CACNA1C: variants seen among roughly 807,000 people sequenced by gnomAD.
CACNA1C encodes voltage-dependent L-type calcium channel subunit alpha-1C.
CACNA1C carries 30 observed loss-of-function variants against 229.0 expected under a neutral mutation model. That is an observed-to-expected ratio of 0.13 (90% confidence interval 0.10 to 0.18). CACNA1C has a LOEUF of 0.18. Ranked by LOEUF, CACNA1C falls within the 10% of genes least tolerant of loss-of-function variation. CACNA1C has a pLI of 1.00. For synonymous variants in CACNA1C, 1,114 were observed against 1,132.5 expected, an observed-to-expected ratio of 0.98 and a Z score of 0.33; for missense variants, 1,658 against 2,845.0, an observed-to-expected ratio of 0.58 and a Z score of 9.49.
Position 2,567,311 on chromosome 12 carries a change from C to T in CACNA1C, c.1670-258C>T, listed in dbSNP as rs532628080. On this transcript the variant is annotated intron_variant, in intron 12 of 46. Transcript: ENST00000399655. ...ACGATGGTGGTACCATCCCCACAGG[C>T]CTGCTATGAGGAGGAGAGATTGTGT... Among the ~76,000 whole-genome samples, 35 of 152,322 alleles carry T rather than the reference C, an allele frequency of 2.3e-4. No homozygotes were observed. In the South Asian group the frequency reaches 5.6e-3, roughly 24 times the overall value.
At chr12:2,422,262 A>C (rs1169134269) in intron 3 of CACNA1C, among the ~76,000 whole-genome samples, 1 of 152,212 alleles carries the variant, frequency 6.6e-6, no homozygotes, top group African/African-American at 2.4e-5. Flanking sequence ...GAGCATTAGC[A>C]GACATACATG....
intron 29 of CACNA1C, among the ~76,000 whole-genome samples, chr12:2,625,313 G>A (rs1217836430): frequency 5.3e-5 from 8 of 152,192 alleles, no homozygotes; most frequent in South Asian, 2.1e-4. Context: ...AAAAAAGCCC[G>A]GTGGGAAAGT....
At chr12:2,127,895 T>C (rs565301472) in intron 3 of CACNA1C, among the ~76,000 whole-genome samples, 1 of 152,362 alleles carries the variant, frequency 6.6e-6, no homozygotes, top group South Asian at 2.1e-4. Context: ...ATTGCCTTTA[T>C]TGAGTGACCA....
intron 5 of CACNA1C, among the ~76,000 whole-genome samples, chr12:2,484,763 C>T (rs1211032489): frequency 2.1e-5 from 3 of 145,602 alleles, no homozygotes; most frequent in East Asian, 2.0e-4. Flanking sequence ...CAACTTTCTT[C>T]GCGGCTCTGC....
Position 2,567,738 on chromosome 12 carries a change from A to G in CACNA1C, c.1839A>G (p.Pro613=). The change falls in exon 13 of 47, where the codon CCA becomes CCG. Residue 613 remains proline, a synonymous_variant. Coordinates refer to ENST00000399655, the MANE Select transcript of CACNA1C (RefSeq NM_000719.7). Reference sequence around the variant, plus strand: ...TGGTGGAGACCAAGATCATGTCCCCACTGGGCATCTCCGTGCTCAGATGCG... The same window carrying G: ...TGGTGGAGACCAAGATCATGTCCCCGCTGGGCATCTCCGTGCTCAGATGCG... ...TILVETKIMS[P]LGISVLRCVR... is the part of the protein sequence containing the mutation. The G allele has an allele frequency of 6.2e-7, 1 of 1,613,512 alleles. No individual in the cohort carries two copies.
intron 5 of CACNA1C, among the ~76,000 whole-genome samples, chr12:2,466,831 A>G (rs1333103708): frequency 6.6e-6 from 1 of 151,980 alleles, no homozygotes; most frequent in Non-Finnish European, 1.5e-5. Flanking sequence ...CCACATGCTC[A>G]TCCCCACCGC....
At chr12:2,613,462 T>C (rs1394765845) in intron 29 of CACNA1C, 1 of 152,198 alleles carries the variant, frequency 6.6e-6, no homozygotes, top group Non-Finnish European at 1.5e-5. Flanking sequence ...GGAAACAACC[T>C]TGGAGGGACT....
chr12:2,520,820 G>A (rs111241412), intron 9 of CACNA1C, among the ~76,000 whole-genome samples: 10 of 150,810 alleles, frequency 6.6e-5, no homozygotes, highest in Non-Finnish European at 1.0e-4. Flanking sequence ...CCCAATGGCC[G>A]TGTGCTTCAG....
chr12:2,234,819 G>A (rs889327965), intron 3 of CACNA1C, among the ~76,000 whole-genome samples: 1 of 152,088 alleles, frequency 6.6e-6, no homozygotes, highest in Non-Finnish European at 1.5e-5. Context: ...GTATAGATTG[G>A]CAAGAGGTGG....
chr12:2,670,651 G>C (rs757781157), intron 38 of CACNA1C, among the ~76,000 whole-genome samples: 6 of 152,100 alleles, frequency 3.9e-5, no homozygotes, highest in Non-Finnish European at 7.4e-5. Flanking sequence ...CCGAGGTCAG[G>C]AGATTGAGAC....
chr12:2,430,276 G>A (rs1052559717), intron 3 of CACNA1C, among the ~76,000 whole-genome samples: 11 of 152,110 alleles, frequency 7.2e-5, no homozygotes, highest in Non-Finnish European at 1.5e-4. Context: ...ACAAACATTC[G>A]GACCATAACA....
intron 1 of CACNA1C, among the ~76,000 whole-genome samples, chr12:1,984,611 T>C (rs1380829354): frequency 1.3e-5 from 2 of 151,998 alleles, no homozygotes; most frequent in African/African-American, 2.4e-5. Flanking sequence ...CAGTCACATG[T>C]ATTTTAAAGA....
At chr12:2,329,484 C>T (rs1444460988) in intron 3 of CACNA1C, among the ~76,000 whole-genome samples, 1 of 152,144 alleles carries the variant, frequency 6.6e-6, no homozygotes, top group African/African-American at 2.4e-5. Flanking sequence ...GATGCCTGTC[C>T]CCATCAATGA....
intron 29 of CACNA1C, among the ~76,000 whole-genome samples, chr12:2,627,687 C>G (rs1196906741): frequency 6.6e-6 from 1 of 152,110 alleles, no homozygotes. Context: ...CCCCTCCCTC[C>G]CTCAGCGCCA....
chr12:2,289,718 G>T (rs1177695099), intron 3 of CACNA1C, among the ~76,000 whole-genome samples: 1 of 151,932 alleles, frequency 6.6e-6, no homozygotes, highest in African/African-American at 2.4e-5. Context: ...TGCCATATGG[G>T]CAATGATCCA....
intron 1 of CACNA1C, among the ~76,000 whole-genome samples, chr12:2,071,665 A>G (rs2061392647): frequency 6.6e-6 from 1 of 152,010 alleles, no homozygotes; most frequent in South Asian, 2.1e-4. Flanking sequence ...TTTGTTATCT[A>G]TCCTCTGCTA....
intron 7 of CACNA1C, among the ~76,000 whole-genome samples, chr12:2,498,214 C>T (rs1269704561): frequency 1.3e-5 from 2 of 152,320 alleles, no homozygotes; most frequent in Admixed American, 1.3e-4. Flanking sequence ...AGGAGTCATT[C>T]TAAGTGAGGA....
chr12:2,164,210 A>G (rs532491072), intron 3 of CACNA1C, among the ~76,000 whole-genome samples: 51 of 152,338 alleles, frequency 3.3e-4, no homozygotes, highest in Non-Finnish European at 5.0e-4. Context: ...TTCATGGACA[A>G]TAATCCTGAC....
intron 3 of CACNA1C, among the ~76,000 whole-genome samples, chr12:2,281,180 A>G (rs1441198499): frequency 7.1e-6 from 1 of 141,520 alleles, no homozygotes; most frequent in East Asian, 2.1e-4. Context: ...CCCTTCACAT[A>G]TAGTACGGGA....
Sources: gnomAD v4.1 joint callset for allele counts (sites outside exome capture counted in the v4.1 genomes callset) on GRCh38, gnomAD v4.1.1 for gene constraint, MANE v1.5 for transcripts, NCBI Gene and HGNC (gene_info 2026-07-23, HGNC 2026-07-21) for gene names.